SUSD5: variants seen among roughly 807,000 people sequenced by gnomAD.
SUSD5 encodes the protein sushi domain containing 5, also known as sushi domain-containing protein 5.
Under a neutral mutation model 29.5 loss-of-function variants are expected in SUSD5, and 33 were observed. That is an observed-to-expected ratio of 1.12 (90% CI 0.85 to 1.49). The LOEUF (loss-of-function observed/expected upper bound fraction) is 1.49. Among genes scored for constraint, SUSD5 ranks in the 40% most tolerant of loss-of-function variants. SUSD5 has a pLI of 0.00. For synonymous variants in SUSD5, 308 were observed against 325.3 expected, an observed-to-expected ratio of 0.95 and a Z score of 0.57; for missense variants, 776 against 800.6, an observed-to-expected ratio of 0.97 and a Z score of 0.37.
intron 3 of SUSD5, among the ~76,000 whole-genome samples, chr3:33,196,550 A>C (rs980642757): frequency 6.6e-6 from 1 of 152,236 alleles, no homozygotes; most frequent in African/African-American, 2.4e-5. Context: ...TTTTAACAAA[A>C]AAGAACTTCT....
At position 33,214,062 on chromosome 3, in the gene SUSD5, T is replaced by C. The variant is rs369319592; in HGVS notation, c.156A>G (p.Leu52=). The change falls in exon 2 of 5, where the codon CTA becomes CTG. Residue 52 remains leucine, a synonymous_variant. Transcript: ENST00000309558. The stretch of plus-strand genomic sequence containing the variant: ...AGGAAAGCCGAGCAGCCTCCAGTTG[T>C]AGGCCCTGAGAGCCATTCTGAGACT... The part of the protein sequence containing the change: ...VLESQNGSQG[L]QLEAARLSCK... 1.7e-5 allele frequency: 28 copies of C among 1,613,336 alleles called. No individual in the cohort carries two copies. The African/African-American group carries it at 3.6e-4, about 21-fold the overall frequency.
intron 4 of SUSD5, among the ~76,000 whole-genome samples, chr3:33,158,176 T>C (rs1028910572): frequency 1.3e-5 from 2 of 152,220 alleles, no homozygotes; most frequent in Non-Finnish European, 2.9e-5. Context: ...CTGGGATCAG[T>C]TTCCAGGAGC....
In SUSD5 at chr3:33,153,509, G is replaced by C; in HGVS notation, c.1123C>G (p.Pro375Ala). 1 of 1,613,948 alleles carries C rather than the reference G, an allele frequency of 6.2e-7. No homozygotes were observed. The highest frequency in any genetic ancestry group is 8.5e-7 in the Non-Finnish European group (1 of 1,179,964). Reference protein sequence around the residue: ...SSDESWLDGYPVTEGAWRKTE... With the variant: ...SSDESWLDGYAVTEGAWRKTE... ...TTCCTCCAAGCCCCCTCTGTCACAG[G>C]GTAGCCATCTAACCAGGACTCATCA... Residue 375 changes from proline to alanine, a missense_variant, in exon 5 of 5, where the codon CCT (proline) becomes GCT (alanine). Pro to Ala is a conservative substitution (Grantham distance 27). Transcript: ENST00000309558.
At chr3:33,157,167 C>T (rs1280126998) in intron 4 of SUSD5, among the ~76,000 whole-genome samples, 1 of 152,216 alleles carries the variant, frequency 6.6e-6, no homozygotes, top group Non-Finnish European at 1.5e-5. Flanking sequence ...ACAGACCTCA[C>T]TGAGTGCTGA....
chr3:33,165,502 T>G (rs2031284903), intron 4 of SUSD5, among the ~76,000 whole-genome samples: 1 of 152,176 alleles, frequency 6.6e-6, no homozygotes, highest in Non-Finnish European at 1.5e-5. Flanking sequence ...AAATGTTCTG[T>G]ATTTATCTTA....
chr3:33,189,478 CAAAAAAAA>C (rs71630568), intron 3 of SUSD5, among the ~76,000 whole-genome samples: 49 of 91,608 alleles, frequency 5.3e-4, no homozygotes, highest in African/African-American at 1.9e-3. Flanking sequence ...CTCTCCTTCT[CAAAAAAAA>C]AAAAAAAAAA....
At chr3:33,198,682 C>A (rs2032043074) in intron 3 of SUSD5, among the ~76,000 whole-genome samples, 1 of 152,212 alleles carries the variant, frequency 6.6e-6, no homozygotes. Context: ...CTCCCTCTCA[C>A]CTGAAACCAT....
chr3:33,202,914 G>T (rs903850483), intron 3 of SUSD5, among the ~76,000 whole-genome samples: 3 of 152,142 alleles, frequency 2.0e-5, no homozygotes, highest in African/African-American at 7.2e-5. Context: ...TCTTTATGAG[G>T]CACAGGTCTG....
Position 33,153,098 on chromosome 3 carries a change from A to G in SUSD5, c.1534T>C (p.Ser512Pro). The G allele has an allele frequency of 6.2e-7, 1 of 1,613,856 alleles. No homozygotes were observed. The highest frequency in any genetic ancestry group is 1.3e-5 in the African/African-American group (1 of 75,036). ...GGCTGGGTGGTTGCCATGATCGTTG[A>G]GGGGATGTGGTTAGGTGTCTGCTTG... is the stretch of plus-strand genomic sequence containing the variant. ...TVKQTPNHIP[S>P]TIMATTQPPV... The change falls in exon 5 of 5, where the codon TCA (serine) becomes CCA (proline). Residue 512 changes from serine to proline, a missense_variant. Ser to Pro is a moderately conservative substitution (Grantham distance 74). Coordinates refer to ENST00000309558, the MANE Select transcript of SUSD5 (RefSeq NM_015551.2).
chr3:33,179,762 T>G (rs962766832), intron 3 of SUSD5, among the ~76,000 whole-genome samples: 6 of 152,352 alleles, frequency 3.9e-5, no homozygotes, highest in African/African-American at 1.4e-4. Flanking sequence ...TTTTTTCCAT[T>G]GATTTTATGT....
intron 3 of SUSD5, among the ~76,000 whole-genome samples, chr3:33,187,201 AATCT>A (rs1273192849): frequency 1.3e-5 from 2 of 152,226 alleles, no homozygotes; most frequent in African/African-American, 4.8e-5. Context: ...GTCTCACATA[AATCT>A]ATCTAAGGAA....
chr3:33,194,860 C>T (rs2031965008), intron 3 of SUSD5, among the ~76,000 whole-genome samples: 1 of 152,092 alleles, frequency 6.6e-6, no homozygotes, highest in African/African-American at 2.4e-5. Flanking sequence ...AATCACTTTC[C>T]TTTTTTCTTT....
intron 1 of SUSD5, among the ~76,000 whole-genome samples, chr3:33,218,107 C>T (rs574198286): frequency 6.6e-6 from 1 of 152,316 alleles, no homozygotes; most frequent in South Asian, 2.1e-4. Flanking sequence ...CTCAAGACGT[C>T]CCCTCGCCTC....
rs745863782 is a variant in SUSD5, at chr3:33,153,913, GAGTCTCCCTGACCC to G, written c.705_718del (p.Arg235SerfsTer3). On this transcript the variant is annotated frameshift_variant, in exon 5 of 5. Coordinates refer to ENST00000309558, the MANE Select transcript of SUSD5 (RefSeq NM_015551.2). LOFTEE classifies it low-confidence loss of function (END_TRUNC). ...GTCCTGTTTTGGAGCCTCCTCAGAG[GAGTCTCCCTGACCC>G]CTGTCCTCATCTGCCTCTGTCCGGG... is the stretch of plus-strand genomic sequence containing the variant. 2.0e-5 allele frequency: 32 copies of G among 1,614,008 alleles called. No individual in the cohort carries two copies. The African/African-American group carries it at 4.0e-4, about 20-fold the overall frequency.
rs1435608030 is a variant in SUSD5 at position 33,192,182 on chromosome 3, TC to T, written c.409+15625del. On this transcript the variant is annotated intron_variant, in intron 3 of 4. Coordinates refer to ENST00000309558, the MANE Select transcript of SUSD5 (RefSeq NM_015551.2). The stretch of plus-strand genomic sequence containing the variant: ...TCCACATCCCAGGTTCAAGCGATTC[TC>T]CTGCCTCAGCCTTCCAAGTAGCTGG... Among the ~76,000 whole-genome samples, 25 of 151,686 alleles carry T rather than the reference TC, an allele frequency of 1.6e-4. 1 individual carries two copies. The highest frequency in any genetic ancestry group is 1.6e-3 in the Admixed American group (25 of 15,224).
At chr3:33,203,441 T>C (rs1256909129) in intron 3 of SUSD5, among the ~76,000 whole-genome samples, 1 of 152,214 alleles carries the variant, frequency 6.6e-6, no homozygotes, top group Non-Finnish European at 1.5e-5. Flanking sequence ...GGCTCCTGTC[T>C]TCCCTGTAGC....
intron 3 of SUSD5, among the ~76,000 whole-genome samples, chr3:33,205,644 A>G (rs1199561778): frequency 2.0e-5 from 3 of 152,236 alleles, no homozygotes; most frequent in African/African-American, 7.2e-5. Flanking sequence ...TTGCATACAC[A>G]TAACTTGCTC....
chr3:33,192,052 A>G (rs181213162), intron 3 of SUSD5, among the ~76,000 whole-genome samples: 13 of 151,936 alleles, frequency 8.6e-5, no homozygotes, highest in African/African-American at 2.7e-4. Context: ...ACAGGCTGAA[A>G]AAGTGATTTC....
At chr3:33,216,387 A>AAAAC (rs1311924247) in intron 1 of SUSD5, among the ~76,000 whole-genome samples, 1 of 152,184 alleles carries the variant, frequency 6.6e-6, no homozygotes, top group Non-Finnish European at 1.5e-5. Context: ...ATCTCACACC[A>AAAAC]AAACAAACAA....
Sources: allele counts gnomAD v4.1 joint callset (sites outside exome capture counted in the v4.1 genomes callset), GRCh38; gene constraint gnomAD v4.1.1; transcripts MANE v1.5; gene names NCBI Gene and HGNC (gene_info 2026-07-23, HGNC 2026-07-21).